KCNJ12: variants seen among roughly 807,000 people sequenced by gnomAD.
KCNJ12 encodes ATP-sensitive inward rectifier potassium channel 12.
In KCNJ12, 2 loss-of-function variants were observed where a neutral mutation model predicts 22.3. The ratio of observed to expected loss-of-function variants is 0.09; its 90% CI spans 0.04 to 0.28. The LOEUF (loss-of-function observed/expected upper bound fraction) is 0.28, where lower values mean the gene tolerates loss of function less well. KCNJ12 is among the 10% of genes least tolerant of loss of function. KCNJ12 has a pLI of 1.00. For missense variants in KCNJ12, 155 were observed against 633.3 expected (o/e 0.24, Z 8.11); for synonymous variants, 117 against 261.4 (o/e 0.45, Z 5.33).
At chr17:21,411,489 C>T (rs1333003942) in intron 2 of KCNJ12, among the ~76,000 whole-genome samples, 3 of 152,300 alleles carry the variant, frequency 2.0e-5, no homozygotes, top group Admixed American at 6.5e-5. Context: ...TAGTGTACCC[C>T]AGCGCCCCTC....
At chr17:21,393,972 A>T (rs1223028061) in intron 1 of KCNJ12, among the ~76,000 whole-genome samples, 1 of 152,190 alleles carries the variant, frequency 6.6e-6, no homozygotes, top group East Asian at 1.9e-4. Flanking sequence ...CTTATGCCCC[A>T]CCCATAGGAC....
intron 1 of KCNJ12, among the ~76,000 whole-genome samples, chr17:21,379,853 C>G (rs1047017137): frequency 1.3e-5 from 2 of 152,070 alleles, no homozygotes; most frequent in Non-Finnish European, 2.9e-5. Context: ...GGGGCAGGAC[C>G]AGAGCCCCCG....
intron 1 of KCNJ12, among the ~76,000 whole-genome samples, chr17:21,398,943 A>G (rs573707868): frequency 6.6e-6 from 1 of 152,352 alleles, no homozygotes; most frequent in Non-Finnish European, 1.5e-5. Context: ...GATTAGGCCC[A>G]TTCCACAGAT....
chr17:21,392,866 A>G (rs1166204553), intron 1 of KCNJ12, among the ~76,000 whole-genome samples: 1 of 152,154 alleles, frequency 6.6e-6, no homozygotes, highest in South Asian at 2.1e-4. Flanking sequence ...TAGGCCATAT[A>G]GCTGTGTCTG....
At chr17:21,411,063 G>A (rs12946659) in intron 2 of KCNJ12, among the ~76,000 whole-genome samples, 1 of 152,302 alleles carries the variant, frequency 6.6e-6, no homozygotes, top group African/African-American at 2.4e-5. Context: ...TGATGCAGGC[G>A]CCTGCACTCT....
chr17:21,419,297 T>TGC lies in KCNJ12; in HGVS notation c.*2654_*2655insCG, dbSNP rs1555563421. On this transcript the variant is annotated 3_prime_UTR_variant, in exon 3 of 3. Coordinates refer to ENST00000583088, the MANE Select transcript of KCNJ12 (RefSeq NM_021012.5). ...GTAATACAGATACGTGATCTATACGTGTGTGTGTGTGTGTGTGTGTGTGTG... is the reference window on the plus strand; with the variant it reads ...GTAATACAGATACGTGATCTATACGTGCGTGTGTGTGTGTGTGTGTGTGTGTG... The TGC allele has an allele frequency of 8.5e-5, 9 of 105,520 alleles. No individual in the cohort carries two copies. 6.5% of individuals were successfully genotyped at this position (105,520 alleles called of 1,614,324 possible).
Position 21,415,619 on chromosome 17 carries a change from G to T in KCNJ12, c.277G>T (p.Ala93Ser). 1.2e-6 allele frequency: 2 copies of T among 1,613,998 alleles called. No individual in the cohort carries two copies. Among genetic ancestry groups the T allele is most frequent in the Non-Finnish European group, 1.7e-6 (2 of 1,180,010 alleles). ...GCTCATCTTCTCGCTGGCCTTCCTT[G>T]CCTCCTGGCTGCTGTTCGGCATCAT... ...MLLIFSLAFL[A>S]SWLLFGIIFW... is the part of the protein sequence containing the mutation. Residue 93 changes from alanine (A) to serine (S), a missense_variant, in exon 3 of 3, where the codon GCC becomes TCC. Transcript: ENST00000583088.
In KCNJ12 at chr17:21,376,455, C is replaced by G. The variant is rs1904652799; in HGVS notation, c.-637C>G. On this transcript the variant is annotated 5_prime_UTR_variant, in exon 1 of 3. Coordinates refer to ENST00000583088, the MANE Select transcript of KCNJ12 (RefSeq NM_021012.5). This position sits in a 1 kb window ranked among gnomAD's most constrained non-coding sequence, Gnocchi z 5.3. ...TCCTCGCCCTCCATTCCTCGCTCCC[C>G]GTCTTCTCCCGGCCACACCGCCACT... 1 of 152,066 alleles carries G rather than the reference C, an allele frequency of 6.6e-6. No individual in the cohort carries two copies. The highest frequency in any genetic ancestry group is 6.5e-5 in the Admixed American group (1 of 15,274). The allele number at this position is 152,066 out of a possible 1,614,324, so 9.4% of individuals were successfully genotyped here.
At position 21,419,257 on chromosome 17, in the gene KCNJ12, T is replaced by G. The variant is rs1280000175; in HGVS notation, c.*2613T>G. On this transcript the variant is annotated 3_prime_UTR_variant, in exon 3 of 3. Coordinates refer to ENST00000583088, the MANE Select transcript of KCNJ12 (RefSeq NM_021012.5). ...ACACATGCACACTCGGCTCTTCATG[T>G]GTATGACTGGGTTAGTAATACAGAT... 6.0e-6 allele frequency: 1 copy of G among 166,954 alleles called. No homozygotes were observed. The highest frequency in any genetic ancestry group is 2.4e-5 in the African/African-American group (1 of 41,350). 10.3% of individuals were successfully genotyped at this position (166,954 alleles called of 1,614,324 possible). A position where few individuals can be genotyped will look rare whatever the true frequency, so the allele number is the denominator to read the frequency against.
At chr17:21,399,769 T>C (rs1905507685) in intron 1 of KCNJ12, among the ~76,000 whole-genome samples, 1 of 152,208 alleles carries the variant, frequency 6.6e-6, no homozygotes, top group African/African-American at 2.4e-5. Flanking sequence ...TCCACAGCCC[T>C]GGAAGTCCTG....
intron 1 of KCNJ12, among the ~76,000 whole-genome samples, chr17:21,383,646 C>G (rs904114232): frequency 3.3e-5 from 5 of 152,330 alleles, no homozygotes; most frequent in Admixed American, 3.3e-4. Context: ...TCACAAGCCA[C>G]CCCCAGCCTG....
chr17:21,406,589 C>A (rs1406613016), intron 1 of KCNJ12, among the ~76,000 whole-genome samples: 2 of 152,304 alleles, frequency 1.3e-5, no homozygotes, highest in African/African-American at 4.8e-5. Context: ...CACTAGAGAC[C>A]AGGCAGGCCA....
intron 1 of KCNJ12, among the ~76,000 whole-genome samples, chr17:21,385,364 C>T (rs915172732): frequency 6.6e-6 from 1 of 152,204 alleles, no homozygotes; most frequent in African/African-American, 2.4e-5. Context: ...CGTGTCTGGG[C>T]ATCTGTTCTC....
intron 1 of KCNJ12, among the ~76,000 whole-genome samples, chr17:21,381,883 T>C (rs1904880778): frequency 6.6e-6 from 1 of 152,182 alleles, no homozygotes; most frequent in South Asian, 2.1e-4. Context: ...AGGCGCCCAG[T>C]AAACACAGAG....
rs66628279 is a variant in KCNJ12 at position 21,376,757 on chromosome 17, GA to G, written c.-333del. ...GGACCAGGGCGATCCGCTTTGCAGA[GA>G]AGACGCGCCCCTCGGCATGGAGCGC... On this transcript the variant is annotated 5_prime_UTR_variant, in exon 1 of 3. Coordinates refer to ENST00000583088, the MANE Select transcript of KCNJ12 (RefSeq NM_021012.5). This position sits in a 1 kb window ranked among gnomAD's most constrained non-coding sequence, Gnocchi z 5.3. The G allele has an allele frequency of 0.7, 105,564 of 151,222 alleles. 37,879 individuals are homozygous for G. Among genetic ancestry groups the G allele is most frequent in the African/African-American group, 0.88 (36,508 of 41,408 alleles). 9.4% of individuals were successfully genotyped at this position (151,222 alleles called of 1,614,324 possible). A position where few individuals can be genotyped will look rare whatever the true frequency, so the allele number is the denominator to read the frequency against.
intron 1 of KCNJ12, among the ~76,000 whole-genome samples, chr17:21,406,902 C>T (rs1905976415): frequency 6.6e-6 from 1 of 152,290 alleles, no homozygotes; most frequent in East Asian, 1.9e-4. Flanking sequence ...CTCAGAGCCC[C>T]TTCCCACCAA....
At chr17:21,395,246 G>A (rs2142057142) in intron 1 of KCNJ12, among the ~76,000 whole-genome samples, 1 of 136,372 alleles carries the variant, frequency 7.3e-6, no homozygotes, top group African/African-American at 2.7e-5. Context: ...AGTGAGCTCT[G>A]ATCAAGCCAC....
intron 1 of KCNJ12, among the ~76,000 whole-genome samples, chr17:21,404,311 C>G (rs75283642): frequency 1.3e-5 from 2 of 152,158 alleles, no homozygotes; most frequent in Non-Finnish European, 2.9e-5. Context: ...AGGCGGGGTT[C>G]TCTCCCCTGC....
chr17:21,387,292 A>T (rs887034731), intron 1 of KCNJ12, among the ~76,000 whole-genome samples: 1 of 140,766 alleles, frequency 7.1e-6, no homozygotes, highest in Non-Finnish European at 1.5e-5. Flanking sequence ...AATACAAAAA[A>T]TTAGCCGGGC....
Sources: allele counts gnomAD v4.1 joint callset (sites outside exome capture counted in the v4.1 genomes callset), GRCh38; gene constraint gnomAD v4.1.1; non-coding constraint Gnocchi (gnomAD v3.1); transcripts MANE v1.5; gene names NCBI Gene and HGNC (gene_info 2026-07-23, HGNC 2026-07-21).